Variants in HIVEP3 observed in about 807,000 individuals in gnomAD.
HIVEP3 encodes the protein HIVEP zinc finger 3.
Under a neutral mutation model 152.8 loss-of-function variants are expected in HIVEP3, and 49 were observed. The ratio of observed to expected loss-of-function variants is 0.32; its 90% CI spans 0.26 to 0.41. The LOEUF (loss-of-function observed/expected upper bound fraction) is 0.41. HIVEP3 is among the 10% of genes least tolerant of loss of function. The pLI, the probability that HIVEP3 is intolerant of heterozygous loss-of-function variation, is 1.00. For missense variants in HIVEP3, 2,790 were observed against 3,103.3 expected, an observed-to-expected ratio of 0.90 and a Z score of 2.40; for synonymous variants, 1,269 against 1,289.0, an observed-to-expected ratio of 0.98 and a Z score of 0.33.
At chr1:42,029,041 G>GA (rs1262374012) in intron 1 of HIVEP3, among the ~76,000 whole-genome samples, 2 of 152,224 alleles carry the variant, frequency 1.3e-5, no homozygotes, top group East Asian at 3.9e-4. Flanking sequence ...TTTTTTACAA[G>GA]AAAAAACACT....
intron 1 of HIVEP3, among the ~76,000 whole-genome samples, chr1:41,942,880 A>G (rs1232918825): frequency 6.6e-6 from 1 of 152,098 alleles, no homozygotes; most frequent in Non-Finnish European, 1.5e-5. Flanking sequence ...GAAGATATAT[A>G]CATATTTGTT....
intron 1 of HIVEP3, among the ~76,000 whole-genome samples, chr1:42,021,527 G>A (rs1314862079): frequency 6.6e-6 from 1 of 152,080 alleles, no homozygotes; most frequent in Non-Finnish European, 1.5e-5. Flanking sequence ...CTTCAGATCC[G>A]TTTATACACT....
chr1:41,718,805 C>T (rs1248787437), intron 1 of HIVEP3, among the ~76,000 whole-genome samples: 2 of 152,130 alleles, frequency 1.3e-5, no homozygotes, highest in South Asian at 2.1e-4. Flanking sequence ...CACGTGCACA[C>T]ACACACACAC....
In HIVEP3 at chr1:41,652,491, C is replaced by T. The variant is rs544733903; in HGVS notation, c.-720-23544G>A. On this transcript the variant is annotated intron_variant, in intron 2 of 8. Transcript: ENST00000372583. ...ATGGGGCAGGATTTACACATGGGGC[C>T]GAGGATCAGGGAAAGTGGAGGCTGA... Among the ~76,000 whole-genome samples the T allele has an allele frequency of 4.6e-5, 7 of 152,100 alleles. No homozygotes were observed. The East Asian group carries it at 1.2e-3, about 25-fold the overall frequency.
At chr1:42,002,912 G>A (rs1645436472) in intron 1 of HIVEP3, among the ~76,000 whole-genome samples, 1 of 152,130 alleles carries the variant, frequency 6.6e-6, no homozygotes. Flanking sequence ...TAGCTGGACA[G>A]TAAGGACAAG....
At position 41,580,622 on chromosome 1, in the gene HIVEP3, T is replaced by G. The variant is rs2149104401; in HGVS notation, c.4176A>C (p.Pro1392=). The stretch of plus-strand genomic sequence containing the variant: ...TCACAGGCACTCTCAGGTATGGAGT[T>G]GGGAAAGCTCTGCTTTGCTCTTCAC... ...GLSEEQSRAF[P]TPYLRVPVTL... The change falls in exon 4 of 9, where the codon CCA becomes CCC. Residue 1392 remains proline (P), a synonymous_variant. Coordinates refer to ENST00000372583, the MANE Select transcript of HIVEP3 (RefSeq NM_024503.5). The G allele has an allele frequency of 6.2e-7, 1 of 1,614,154 alleles. No individual in the cohort carries two copies. Among genetic ancestry groups the G allele is most frequent in the Non-Finnish European group, 8.5e-7 (1 of 1,180,042 alleles).
At chr1:41,868,645 G>A (rs1024033014) in intron 1 of HIVEP3, among the ~76,000 whole-genome samples, 1 of 152,160 alleles carries the variant, frequency 6.6e-6, no homozygotes, top group Non-Finnish European at 1.5e-5. Flanking sequence ...ACACCTGTGC[G>A]TGGCTCTCCC....
chr1:41,898,396 C>T (rs1644568244), intron 1 of HIVEP3, among the ~76,000 whole-genome samples: 1 of 152,278 alleles, frequency 6.6e-6, no homozygotes, highest in African/African-American at 2.4e-5. Flanking sequence ...ACACCCTCAC[C>T]AAAACGCATC....
At chr1:41,805,201 G>C (rs1436995541) in intron 1 of HIVEP3, among the ~76,000 whole-genome samples, 2 of 152,184 alleles carry the variant, frequency 1.3e-5, no homozygotes, top group East Asian at 3.8e-4. Flanking sequence ...GCCAAGCTTG[G>C]TGGTGCGTGC....
intron 2 of HIVEP3, among the ~76,000 whole-genome samples, chr1:41,648,389 A>G (rs1449968166): frequency 6.6e-6 from 1 of 152,082 alleles, no homozygotes; most frequent in African/African-American, 2.4e-5. Context: ...CAGAGACGCA[A>G]CTGACTTGCC....
At chr1:41,963,306 C>G (rs992528723) in intron 1 of HIVEP3, among the ~76,000 whole-genome samples, 2 of 152,164 alleles carry the variant, frequency 1.3e-5, no homozygotes, top group Non-Finnish European at 2.9e-5. Context: ...CCACCGCGCC[C>G]GGCCAAAAGT....
At chr1:41,741,698 G>A (rs949937096) in intron 1 of HIVEP3, among the ~76,000 whole-genome samples, 10 of 152,214 alleles carry the variant, frequency 6.6e-5, no homozygotes, top group Admixed American at 1.3e-4. Context: ...ATGGGGCGTC[G>A]GGATGAGAAG....
intron 1 of HIVEP3, among the ~76,000 whole-genome samples, chr1:41,929,961 T>C (rs1644988524): frequency 6.6e-6 from 1 of 151,980 alleles, no homozygotes; most frequent in Non-Finnish European, 1.5e-5. Context: ...AAGGACAAAT[T>C]TATCATGTAG....
chr1:41,913,495 C>G (rs922359774), intron 1 of HIVEP3, among the ~76,000 whole-genome samples: 8 of 152,172 alleles, frequency 5.3e-5, no homozygotes, highest in African/African-American at 1.9e-4. Context: ...CTCCTGGACT[C>G]AAGAGATCCT....
rs556760289 is a variant in HIVEP3, at chr1:41,779,306, C to A, written c.-800-78311G>T. On this transcript the variant is annotated intron_variant, in intron 1 of 8. Coordinates refer to ENST00000372583, the MANE Select transcript of HIVEP3 (RefSeq NM_024503.5). ...CTGGGTGGATCCCAACTCTGCCATTCCCTACTTGGGGAAGCCTGGGTAAAC... is the reference window on the plus strand; with the variant it reads ...CTGGGTGGATCCCAACTCTGCCATTACCTACTTGGGGAAGCCTGGGTAAAC... 3.2e-4 allele frequency among the ~76,000 whole-genome samples: 48 copies of A among 152,298 alleles called. 1 individual carries two copies. The highest frequency in any genetic ancestry group is 1.1e-3 in the African/African-American group (47 of 41,568).
intron 2 of HIVEP3, among the ~76,000 whole-genome samples, chr1:41,649,140 T>C (rs1166916250): frequency 6.6e-6 from 1 of 152,240 alleles, no homozygotes; most frequent in African/African-American, 2.4e-5. Context: ...AAGCCTCAAG[T>C]AGAGTCCCAG....
At chr1:41,843,126 G>C (rs1475407517) in intron 1 of HIVEP3, among the ~76,000 whole-genome samples, 1 of 152,160 alleles carries the variant, frequency 6.6e-6, no homozygotes, top group Non-Finnish European at 1.5e-5. Context: ...CTGAGGAAAC[G>C]CTAAAAGCAG....
intron 2 of HIVEP3, among the ~76,000 whole-genome samples, chr1:41,666,197 G>A (rs1183653610): frequency 6.6e-6 from 1 of 152,046 alleles, no homozygotes; most frequent in African/African-American, 2.4e-5. Flanking sequence ...TCATAGACCT[G>A]TTGCACACAT....
intron 2 of HIVEP3, among the ~76,000 whole-genome samples, chr1:41,674,213 G>C (rs1645920251): frequency 6.6e-6 from 1 of 152,256 alleles, no homozygotes. Context: ...CCAGTCCAGT[G>C]CCTGATGTTT....
Sources: gnomAD v4.1 joint callset for allele counts (sites outside exome capture counted in the v4.1 genomes callset) on GRCh38, gnomAD v4.1.1 for gene constraint, MANE v1.5 for transcripts, NCBI Gene and HGNC (gene_info 2026-07-23, HGNC 2026-07-21) for gene names.